ZSWIM8: variants seen among roughly 807,000 people sequenced by gnomAD.
ZSWIM8 encodes the protein zinc finger SWIM-type containing 8.
In ZSWIM8, 27 loss-of-function variants were observed where a neutral mutation model predicts 173.7. The observed-to-expected ratio is 0.16, with a 90% CI of 0.11 to 0.21. The LOEUF (loss-of-function observed/expected upper bound fraction) is 0.21. Among genes scored for constraint, ZSWIM8 ranks in the 10% least tolerant of loss-of-function variants. ZSWIM8 has a pLI of 1.00. For missense variants in ZSWIM8, 1,627 were observed against 2,428.8 expected (o/e 0.67, Z 6.94); for synonymous variants, 958 against 962.0 (o/e 1.00, Z 0.08).
In ZSWIM8 at chr10:73,796,932, C is replaced by T. The variant is rs1346689644; in HGVS notation, c.3192C>T (p.Gly1064=). 3 of 1,614,082 alleles carry T rather than the reference C, an allele frequency of 1.9e-6. No homozygotes were observed. Among genetic ancestry groups the T allele is most frequent in the Middle Eastern group, 1.6e-4 (1 of 6,062 alleles). ...APGALQPLTS[G]SAGPAQPGSV... ...GGGCCCTGCAACCACTGACCTCAGGCTCTGCAGGGCCTGCTCAACCAGGGA... is the reference window on the plus strand; with the variant it reads ...GGGCCCTGCAACCACTGACCTCAGGTTCTGCAGGGCCTGCTCAACCAGGGA... The change falls in exon 16 of 26, where the codon GGC becomes GGT. Residue 1064 remains glycine (G), a synonymous_variant. Coordinates refer to ENST00000604729, the MANE Select transcript of ZSWIM8 (RefSeq NM_001367799.1).
In ZSWIM8 at chr10:73,789,640, C is replaced by T; in HGVS notation, c.631-77C>T. The stretch of plus-strand genomic sequence containing the variant: ...TGTGAGCCCCCTCGCCTCGCCTACT[C>T]TGCCTCTCTGTCCCCCAGCTCCAGC... On this transcript the variant is annotated intron_variant, in intron 4 of 25. Coordinates refer to ENST00000604729, the MANE Select transcript of ZSWIM8 (RefSeq NM_001367799.1). This position sits in a 1 kb window ranked among gnomAD's most constrained non-coding sequence, Gnocchi z 6.8. 6.5e-7 allele frequency: 1 copy of T among 1,547,892 alleles called. No individual in the cohort carries two copies. Among genetic ancestry groups the T allele is most frequent in the Non-Finnish European group, 8.8e-7 (1 of 1,140,630 alleles).
intron 15 of ZSWIM8, chr10:73,796,206 G>A (rs1299204643): frequency 1.0e-5 from 2 of 198,888 alleles, no homozygotes; most frequent in Non-Finnish European, 1.1e-5. Flanking sequence ...AAAATTAGCC[G>A]GGCATGGTGG....
At chr10:73,796,618 A>T (rs976701085) in intron 15 of ZSWIM8, 156 bp from the exon 16 acceptor site, 1 of 1,000,478 alleles carries the variant, frequency 1.0e-6, no homozygotes, top group Admixed American at 2.7e-5. Flanking sequence ...ACAAAAAGAC[A>T]TGTAAACCAG....
chr10:73,800,751 C>T lies in ZSWIM8; in HGVS notation c.5114C>T (p.Ala1705Val), dbSNP rs770136044. 3 of 1,613,136 alleles carry T rather than the reference C, an allele frequency of 1.9e-6. No homozygotes were observed. The East Asian group carries it at 6.7e-5, about 36-fold the overall frequency. Residue 1705 changes from alanine (A) to valine (V), a missense_variant, in exon 24 of 26, where the codon GCA becomes GTA. By Grantham distance (64) the Ala-to-Val change is moderately conservative. This residue lies in a region of ZSWIM8 where 122 missense variants were observed against 196.1 expected (regional missense o/e 0.62). Coordinates refer to ENST00000604729, the MANE Select transcript of ZSWIM8 (RefSeq NM_001367799.1). The surrounding 1 kb of genome is among the most constrained non-coding windows in gnomAD (Gnocchi z 4.1). ...DDVKWLLGLA[A>V]KLGVNYVHQF... ...GTCAAATGGTTGCTGGGGCTGGCAG[C>T]AAAGCTGGGTAACACCTCCCCTCCC...
intron 1 of ZSWIM8, among the ~76,000 whole-genome samples, chr10:73,787,622 C>T (rs1215280817): frequency 1.3e-5 from 2 of 152,056 alleles, no homozygotes; most frequent in African/African-American, 4.8e-5. Flanking sequence ...GAGGCCGAGT[C>T]GGGTGGATCA....
intron 2 of ZSWIM8, 122 bp downstream of exon 2, chr10:73,788,945 G>C (rs1048710967): frequency 4.2e-6 from 6 of 1,441,120 alleles, no homozygotes; most frequent in Middle Eastern, 2.4e-4. Flanking sequence ...ACAAGGGAGG[G>C]ATTGCCTGGG....
At position 73,798,183 on chromosome 10, in the gene ZSWIM8, TG is replaced by T. The variant is rs1000176467; in HGVS notation, c.3953-45del. 4.4e-6 allele frequency: 7 copies of T among 1,606,872 alleles called. No individual in the cohort carries two copies. The African/African-American group carries it at 9.4e-5, about 21-fold the overall frequency. The stretch of plus-strand genomic sequence containing the variant: ...AAAAGACATTATTCTCACACCCCAG[TG>T]GTGCCCACACTAACCCAACTCTGCC... On this transcript the variant is annotated intron_variant, in intron 19 of 25. Coordinates refer to ENST00000604729, the MANE Select transcript of ZSWIM8 (RefSeq NM_001367799.1).
rs1338643697 is a variant in ZSWIM8, at chr10:73,801,344, C to T, written c.5330C>T (p.Thr1777Ile). 6.2e-7 allele frequency: 1 copy of T among 1,613,966 alleles called. No individual in the cohort carries two copies. The highest frequency in any genetic ancestry group is 8.5e-7 in the Non-Finnish European group (1 of 1,179,852). Residue 1777 changes from threonine (T) to isoleucine (I), a missense_variant, in exon 26 of 26, where the codon ACT becomes ATT. Around this residue, in one of 18 missense-constraint regions of ZSWIM8, gnomAD observed 122 missense variants for 196.1 expected, o/e 0.62. Coordinates refer to ENST00000604729, the MANE Select transcript of ZSWIM8 (RefSeq NM_001367799.1). The surrounding 1 kb of genome is among the most constrained non-coding windows in gnomAD (Gnocchi z 4.9). The stretch of plus-strand genomic sequence containing the variant: ...ATCCACCACCGCTTGATTCACCTGA[C>T]TCCTGCGGACTACGACGACTTTGTG... The part of the protein sequence containing the change: ...QYIHHRLIHL[T>I]PADYDDFVNA...
Position 73,798,215 on chromosome 10 carries a change from C to T in ZSWIM8, c.3953-15C>T, listed in dbSNP as rs759730589. The T allele has an allele frequency of 1.9e-6, 3 of 1,613,122 alleles. No individual in the cohort carries two copies. The East Asian group carries it at 6.7e-5, about 36-fold the overall frequency. ...CACACTAACCCAACTCTGCCCTTCT[C>T]TCCTTTCCCCTAAGGCCAGGCCATG... On this transcript the variant is annotated splice_polypyrimidine_tract_variant and intron_variant, in intron 19 of 25. Coordinates refer to ENST00000604729, the MANE Select transcript of ZSWIM8 (RefSeq NM_001367799.1).
Position 73,798,468 on chromosome 10 carries a change from A to C in ZSWIM8, c.4176+15A>C. The C allele has an allele frequency of 6.2e-7, 1 of 1,607,356 alleles. No homozygotes were observed. The highest frequency in any genetic ancestry group is 1.1e-5 in the South Asian group (1 of 90,812). ...GCAAGGAACAGGTATTTCTACGGGC[A>C]ATCTGGGAACCTCTTCTGGGGCATC... On this transcript the variant is annotated intron_variant, in intron 20 of 25. Coordinates refer to ENST00000604729, the MANE Select transcript of ZSWIM8 (RefSeq NM_001367799.1).
Position 73,800,884 on chromosome 10 carries a change from C to T in ZSWIM8, c.5122+125C>T, listed in dbSNP as rs1431448138. 15 of 1,188,694 alleles carry T rather than the reference C, an allele frequency of 1.3e-5. No individual in the cohort carries two copies. Among genetic ancestry groups the T allele is most frequent in the African/African-American group, 3.0e-5 (2 of 65,724 alleles). The allele number at this position is 1,188,694 out of a possible 1,614,324, so 73.6% of individuals were successfully genotyped here. A position where few individuals can be genotyped will look rare whatever the true frequency, so the allele number is the denominator to read the frequency against. On this transcript the variant is annotated intron_variant, in intron 24 of 25. Coordinates refer to ENST00000604729, the MANE Select transcript of ZSWIM8 (RefSeq NM_001367799.1). This position sits in a 1 kb window ranked among gnomAD's most constrained non-coding sequence, Gnocchi z 4.1. ...CCTTGGTCGGGTATGTGTGCGTGCG[C>T]GGGGGGCGGAGGGTTACCTCAGCTC...
In ZSWIM8 at chr10:73,801,652, C is replaced by T; in HGVS notation, c.*133C>T. 1 of 1,536,112 alleles carries T rather than the reference C, an allele frequency of 6.5e-7. No homozygotes were observed. The highest frequency in any genetic ancestry group is 8.7e-7 in the Non-Finnish European group (1 of 1,146,836). On this transcript the variant is annotated 3_prime_UTR_variant, in exon 26 of 26. Coordinates refer to ENST00000604729, the MANE Select transcript of ZSWIM8 (RefSeq NM_001367799.1). The surrounding 1 kb of genome is among the most constrained non-coding windows in gnomAD (Gnocchi z 4.9). ...CTGGTAGCACAGACTGACAGCTGCT[C>T]TTGGGCTATAGCTTGGGGCCAAGAT...
chr10:73,786,200 A>T, intron 1 of ZSWIM8, 114 bp downstream of exon 1: 1 of 1,201,180 alleles, frequency 8.3e-7, no homozygotes, highest in Non-Finnish European at 1.1e-6. Flanking sequence ...CAGGGGAAGA[A>T]AGGGGAGCTG....
Position 73,798,225 on chromosome 10 carries a change from C to T in ZSWIM8, c.3953-5C>T, listed in dbSNP as rs1227548039. 2 of 1,613,732 alleles carry T rather than the reference C, an allele frequency of 1.2e-6. No individual in the cohort carries two copies. Among genetic ancestry groups the T allele is most frequent in the Non-Finnish European group, 1.7e-6 (2 of 1,179,666 alleles). On this transcript the variant is annotated splice_region_variant and splice_polypyrimidine_tract_variant and intron_variant, in intron 19 of 25. Transcript: ENST00000604729. Reference sequence around the variant, plus strand: ...CAACTCTGCCCTTCTCTCCTTTCCCCTAAGGCCAGGCCATGGAGATAGGCA... The same window carrying T: ...CAACTCTGCCCTTCTCTCCTTTCCCTTAAGGCCAGGCCATGGAGATAGGCA...
intron 15 of ZSWIM8, among the ~76,000 whole-genome samples, chr10:73,796,160 C>A (rs934713724): frequency 6.6e-6 from 1 of 151,224 alleles, no homozygotes; most frequent in Non-Finnish European, 1.5e-5. Context: ...ACCAACCTGG[C>A]CAACATAGTG....
chr10:73,801,725 G>C lies in ZSWIM8; in HGVS notation c.*206G>C. On this transcript the variant is annotated 3_prime_UTR_variant, in exon 26 of 26. Transcript: ENST00000604729. This position sits in a 1 kb window ranked among gnomAD's most constrained non-coding sequence, Gnocchi z 4.9. The stretch of plus-strand genomic sequence containing the variant: ...GGCTGGGGGAGACAGCCCTGTCTGG[G>C]AGGGGGCGTTGGGTGGCCTCTGGTA... 1.3e-6 allele frequency: 2 copies of C among 1,531,062 alleles called. No individual in the cohort carries two copies. Among genetic ancestry groups the C allele is most frequent in the Non-Finnish European group, 1.7e-6 (2 of 1,144,572 alleles). 94.8% of individuals were successfully genotyped at this position (1,531,062 alleles called of 1,614,324 possible). A position where few individuals can be genotyped will look rare whatever the true frequency, so the allele number is the denominator to read the frequency against.
In ZSWIM8 at chr10:73,797,307, T is replaced by C; in HGVS notation, c.3433+36T>C. 1 of 1,613,474 alleles carries C rather than the reference T, an allele frequency of 6.2e-7. No homozygotes were observed. The highest frequency in any genetic ancestry group is 1.1e-5 in the South Asian group (1 of 91,074). The stretch of plus-strand genomic sequence containing the variant: ...CTGTGGGCTAGCATAGAGGGAAGGA[T>C]AATCCTGAAGGTTGGAGTCTTAACA... On this transcript the variant is annotated intron_variant, in intron 17 of 25. Transcript: ENST00000604729. This position sits in a 1 kb window ranked among gnomAD's most constrained non-coding sequence, Gnocchi z 5.6.
In ZSWIM8 at chr10:73,792,121, C is replaced by G; in HGVS notation, c.1582C>G (p.Arg528Gly). ...ASRSGGLEES[R>G]DRPRPLPTEP... ...CCGCTCTGGGGGCCTGGAGGAATCC[C>G]GGGACCGGCCCCGACCCCTTCCTAC... The change falls in exon 10 of 26, where the codon CGG (arginine) becomes GGG (glycine). Residue 528 changes from arginine to glycine, a missense_variant. Arg to Gly is a moderately radical substitution (Grantham distance 125). Around this residue, in one of 18 missense-constraint regions of ZSWIM8, gnomAD observed 383 missense variants for 394.8 expected, o/e 0.97. Coordinates refer to ENST00000604729, the MANE Select transcript of ZSWIM8 (RefSeq NM_001367799.1). The surrounding 1 kb of genome is among the most constrained non-coding windows in gnomAD (Gnocchi z 4.3). The G allele has an allele frequency of 6.5e-7, 1 of 1,531,392 alleles. No homozygotes were observed. The highest frequency in any genetic ancestry group is 1.4e-5 in the African/African-American group (1 of 72,892). 94.9% of individuals were successfully genotyped at this position (1,531,392 alleles called of 1,614,324 possible).
intron 6 of ZSWIM8, 52 bp downstream of exon 6, chr10:73,790,089 A>G: frequency 2.5e-6 from 4 of 1,610,170 alleles, no homozygotes; most frequent in Non-Finnish European, 3.4e-6. Flanking sequence ...CTTGTAGTAC[A>G]GAGCGCCATT....
Sources: gnomAD v4.1 joint callset for allele counts (sites outside exome capture counted in the v4.1 genomes callset) on GRCh38, gnomAD v4.1.1 for gene constraint, gnomAD v4.1.1 regional missense constraint, Gnocchi (gnomAD v3.1) non-coding constraint, MANE v1.5 for transcripts, NCBI Gene and HGNC (gene_info 2026-07-23, HGNC 2026-07-21) for gene names.